ARPP21: variants seen among roughly 807,000 people sequenced by gnomAD.
ARPP21 encodes cAMP regulated phosphoprotein 21.
ARPP21 carries 69 observed loss-of-function variants against 113.2 expected under a neutral mutation model. The ratio of observed to expected loss-of-function variants is 0.61; its 90% CI spans 0.50 to 0.74. ARPP21 has a LOEUF of 0.74. ARPP21 is among the 30% of genes least tolerant of loss of function. The pLI, the probability that ARPP21 is intolerant of heterozygous loss-of-function variation, is 0.00. For missense variants in ARPP21, 1,070 were observed against 1,037.4 expected, an observed-to-expected ratio of 1.03 and a Z score of -0.43; for synonymous variants, 368 against 375.5, an observed-to-expected ratio of 0.98 and a Z score of 0.23.
chr3:35,777,243 A>C (rs145483400), intron 19 of ARPP21, among the ~76,000 whole-genome samples: 1 of 152,310 alleles, frequency 6.6e-6, no homozygotes, highest in Non-Finnish European at 1.5e-5. Context: ...ATTTAGTGGA[A>C]ACTAATGGTA....
In ARPP21 at chr3:35,708,671, G is replaced by T. The variant is rs552803336; in HGVS notation, c.796-298G>T. On this transcript the variant is annotated intron_variant, in intron 10 of 20. Coordinates refer to ENST00000684406, the MANE Select transcript of ARPP21 (RefSeq NM_001385562.1). ...GAGTCCATCAGTGATGAGCCATCAC[G>T]TATGTGAATTGGCTGAATACCTGAG... 3.2e-4 allele frequency among the ~76,000 whole-genome samples: 49 copies of T among 152,300 alleles called. 1 individual carries two copies. Among genetic ancestry groups the T allele is most frequent in the Middle Eastern group, 3.4e-3 (1 of 294 alleles).
intron 1 of ARPP21, among the ~76,000 whole-genome samples, chr3:35,655,648 A>G (rs534556612): frequency 3.3e-5 from 5 of 152,176 alleles, no homozygotes; most frequent in Admixed American, 2.6e-4. Context: ...TTCAGGGCCC[A>G]TATTTTAACA....
intron 19 of ARPP21, among the ~76,000 whole-genome samples, chr3:35,760,502 T>C (rs941295012): frequency 6.6e-6 from 1 of 151,844 alleles, no homozygotes; most frequent in Non-Finnish European, 1.5e-5. Flanking sequence ...ATGGCTTTAT[T>C]TGGGGAAGAT....
At chr3:35,738,889 C>CA (rs1269417986) in intron 17 of ARPP21, among the ~76,000 whole-genome samples, 2 of 152,174 alleles carry the variant, frequency 1.3e-5, no homozygotes, top group Non-Finnish European at 2.9e-5. Context: ...TCCATCTTTG[C>CA]AACAGCACTG....
intron 19 of ARPP21, among the ~76,000 whole-genome samples, chr3:35,753,638 T>C (rs1382558836): frequency 6.6e-6 from 1 of 152,066 alleles, no homozygotes; most frequent in Non-Finnish European, 1.5e-5. Context: ...GTGGAACATG[T>C]ATATTTGAAA....
intron 19 of ARPP21, among the ~76,000 whole-genome samples, chr3:35,762,124 TCTCACACA>T (rs1431843704): frequency 1.5e-4 from 21 of 141,254 alleles, no homozygotes; most frequent in African/African-American, 5.1e-4. Flanking sequence ...TCTCTCTCTC[TCTCACACA>T]CACACACACA....
intron 19 of ARPP21, among the ~76,000 whole-genome samples, chr3:35,748,299 G>GAAGGAAGA (rs2095255403): frequency 1.7e-5 from 2 of 116,980 alleles, no homozygotes; most frequent in African/African-American, 6.5e-5. Flanking sequence ...AGGAAGGAAG[G>GAAGGAAGA]AAGAAAGAAA....
intron 15 of ARPP21, among the ~76,000 whole-genome samples, chr3:35,732,436 C>G (rs1032798708): frequency 1.3e-5 from 2 of 152,184 alleles, no homozygotes; most frequent in African/African-American, 4.8e-5. Context: ...GCTTTTCAGG[C>G]ATCTGGATGA....
rs190159513 is a variant in ARPP21 at position 35,731,508 on chromosome 3, T to C, written c.1459+1972T>C. On this transcript the variant is annotated intron_variant, in intron 15 of 20. Coordinates refer to ENST00000684406, the MANE Select transcript of ARPP21 (RefSeq NM_001385562.1). Reference sequence around the variant, plus strand: ...AAATGTATGCATATATTGTATACTATACAATGAGATGCAGGGTGAATTATG... The same window carrying C: ...AAATGTATGCATATATTGTATACTACACAATGAGATGCAGGGTGAATTATG... Among the ~76,000 whole-genome samples, 312 of 152,344 alleles carry C rather than the reference T, an allele frequency of 2.0e-3. 1 individual carries two copies. Among genetic ancestry groups the C allele is most frequent in the African/African-American group, 6.8e-3 (283 of 41,588 alleles).
At chr3:35,709,150 T>C in intron 11 of ARPP21, 80 bp downstream of exon 11, 1 of 950,274 alleles carries the variant, frequency 1.1e-6, no homozygotes, top group Non-Finnish European at 1.6e-6. Context: ...GACAGCGAGG[T>C]GGCAGGGAAT....
chr3:35,656,733 G>T (rs1705123309), intron 1 of ARPP21, among the ~76,000 whole-genome samples: 1 of 151,916 alleles, frequency 6.6e-6, no homozygotes, highest in Non-Finnish European at 1.5e-5. Flanking sequence ...GCCTGATAGT[G>T]ATGGTGGTTA....
At chr3:35,705,047 T>G (rs2088225785) in intron 9 of ARPP21, among the ~76,000 whole-genome samples, 1 of 152,100 alleles carries the variant, frequency 6.6e-6, no homozygotes, top group South Asian at 2.1e-4. Context: ...AAACAAAATT[T>G]CTGTAAATTT....
At chr3:35,665,603 T>C (rs186406412) in intron 1 of ARPP21, among the ~76,000 whole-genome samples, 92 of 152,300 alleles carry the variant, frequency 6.0e-4, no homozygotes, top group African/African-American at 2.1e-3. Flanking sequence ...TAAGAGGTTA[T>C]ATCAAACATT....
At position 35,729,534 on chromosome 3, in the gene ARPP21, C is replaced by T. The variant is rs777662179; in HGVS notation, c.1457C>T (p.Thr486Ile). ...GGAAGCATCCTTCTTAATCCACACA[C>T]AGGTGAGTTACTACCTGCTTTATCA... The part of the protein sequence containing the change: ...PPGSILLNPH[T>I]GQPFVNPDGT... Residue 486 changes from threonine (T) to isoleucine (I), a missense_variant and splice_region_variant, in exon 15 of 21, where the codon ACA becomes ATA. Coordinates refer to ENST00000684406, the MANE Select transcript of ARPP21 (RefSeq NM_001385562.1). The T allele has an allele frequency of 5.6e-6, 9 of 1,612,410 alleles. No individual in the cohort carries two copies. Among genetic ancestry groups the T allele is most frequent in the Non-Finnish European group, 7.6e-6 (9 of 1,178,414 alleles).
At chr3:35,707,340 T>C in intron 10 of ARPP21, 3 of 621,416 alleles carry the variant, frequency 4.8e-6, no homozygotes, top group South Asian at 3.1e-5. Flanking sequence ...CAGTTTCCGC[T>C]GCATGTCTGG....
chr3:35,751,633 G>A (rs935039806), intron 19 of ARPP21, among the ~76,000 whole-genome samples: 5 of 152,074 alleles, frequency 3.3e-5, no homozygotes, highest in African/African-American at 1.2e-4. Context: ...CTGCTCAACA[G>A]CCAGAATGAG....
intron 9 of ARPP21, among the ~76,000 whole-genome samples, chr3:35,692,610 G>T (rs1028200750): frequency 6.6e-6 from 1 of 151,546 alleles, no homozygotes; most frequent in African/African-American, 2.4e-5. Flanking sequence ...CACCAATTTT[G>T]CAATCACATA....
At chr3:35,748,376 GAA>G (rs1437166414) in intron 19 of ARPP21, among the ~76,000 whole-genome samples, 1 of 131,906 alleles carries the variant, frequency 7.6e-6, no homozygotes, top group African/African-American at 2.8e-5. Context: ...GAAAAGGAAA[GAA>G]AGAAAGAAAA....
In ARPP21 at chr3:35,715,420, C is replaced by G; in HGVS notation, c.898-19C>G. 1.2e-6 allele frequency: 2 copies of G among 1,610,854 alleles called. No individual in the cohort carries two copies. The highest frequency in any genetic ancestry group is 1.7e-6 in the Non-Finnish European group (2 of 1,177,586). ...CATATCCAGAACTTCTGATCCAATG[C>G]CTTTTTTTTATTTTTCAGTCAGTTT... On this transcript the variant is annotated intron_variant, in intron 11 of 20. Coordinates refer to ENST00000684406, the MANE Select transcript of ARPP21 (RefSeq NM_001385562.1).
Sources: gnomAD v4.1 joint callset for allele counts (sites outside exome capture counted in the v4.1 genomes callset) on GRCh38, gnomAD v4.1.1 for gene constraint, MANE v1.5 for transcripts, NCBI Gene and HGNC (gene_info 2026-07-23, HGNC 2026-07-21) for gene names.